The following PLEKHH3 variants were observed in gnomAD, a reference collection of about 807,000 sequenced individuals.
The protein encoded by PLEKHH3 is pleckstrin homology domain-containing family H member 3.
PLEKHH3 carries 57 observed loss-of-function variants against 77.8 expected under a neutral mutation model. The observed-to-expected ratio is 0.73, with a 90% confidence interval of 0.59 to 0.91. The LOEUF (loss-of-function observed/expected upper bound fraction) is 0.91. Among genes scored for constraint, PLEKHH3 ranks in the 40% least tolerant of loss-of-function variants. The pLI is 0.00. For synonymous variants in PLEKHH3, 467 were observed against 504.8 expected, an observed-to-expected ratio of 0.93 and a Z score of 1.00; for missense variants, 1,082 against 1,091.2, an observed-to-expected ratio of 0.99 and a Z score of 0.12.
In PLEKHH3 at chr17:42,672,347, A is replaced by G. The variant is rs746024866; in HGVS notation, c.815T>C (p.Leu272Ser). The G allele has an allele frequency of 3.2e-6, 5 of 1,544,522 alleles. No individual in the cohort carries two copies. In the South Asian group the frequency reaches 4.8e-5, roughly 15 times the overall value. ...PLREEAVRLF[L>S]ALQALEGARR... ...CGCCCCCTCCAGCGCCTGCAGCGCC[A>G]AGAACAGCCGCACCGCCTCCTCGCG... The change falls in exon 7 of 13, where the codon TTG becomes TCG. Residue 272 changes from leucine (L) to serine (S), a missense_variant. Transcript: ENST00000591022.
chr17:42,674,295 T>C, intron 2 of PLEKHH3, 59 bp downstream of exon 2: 2 of 1,499,328 alleles, frequency 1.3e-6, no homozygotes, highest in Non-Finnish European at 1.8e-6. Context: ...ACAGAGAGGA[T>C]GGGGGTCCCG....
intron 3 of PLEKHH3, 30 bp downstream of exon 3, chr17:42,673,904 C>T: frequency 1.2e-6 from 2 of 1,612,040 alleles, no homozygotes; most frequent in Non-Finnish European, 1.7e-6. Context: ...GGATTGGGGG[C>T]CTCCAGAGTG....
intron 9 of PLEKHH3, 25 bp from the exon 10 acceptor site, chr17:42,670,730 G>A (rs748349459): frequency 2.9e-5 from 46 of 1,603,174 alleles, no homozygotes; most frequent in Non-Finnish European, 3.9e-5. Flanking sequence ...CGGACGAAGC[G>A]CTAGGGAGAA....
rs761578348 is a variant in PLEKHH3, at chr17:42,676,473, C to T, written c.91G>A (p.Gly31Arg). 8 of 1,612,584 alleles carry T rather than the reference C, an allele frequency of 5.0e-6. No individual in the cohort carries two copies. The highest frequency in any genetic ancestry group is 3.3e-4 in the Middle Eastern group (2 of 6,060). The change falls in exon 1 of 13, where the codon GGG becomes AGG. Residue 31 changes from glycine to arginine, a missense_variant. Around this residue, in one of 3 missense-constraint regions of PLEKHH3, gnomAD observed 344 missense variants for 320.8 expected, o/e 1.07. Transcript: ENST00000591022. The surrounding 1 kb of genome is among the most constrained non-coding windows in gnomAD (Gnocchi z 6.6). ...TCGTCCTCGTCCTCGTCCCCGTCCC[C>T]GCTAAGCTCGCCGTCCCCGTAGTCC... ...HRDYGDGELS[G>R]DGDEDEDEET...
At position 42,674,092 on chromosome 17, in the gene PLEKHH3, G is replaced by A. The variant is rs575182279; in HGVS notation, c.219-79C>T. The A allele has an allele frequency of 1.2e-5, 17 of 1,443,670 alleles. No homozygotes were observed. The South Asian group carries it at 1.3e-4, about 11-fold the overall frequency. 89.4% of individuals were successfully genotyped at this position (1,443,670 alleles called of 1,614,324 possible). On this transcript the variant is annotated intron_variant, in intron 2 of 12. Transcript: ENST00000591022. ...TCTGTAGGGGCTCCCCAGACCGCAC[G>A]GGTGTCTGCTCCCAAGCTGGGCACC...
At position 42,673,690 on chromosome 17, in the gene PLEKHH3, G is replaced by T; in HGVS notation, c.443C>A (p.Thr148Asn). 1 of 1,602,214 alleles carries T rather than the reference G, an allele frequency of 6.2e-7. No individual in the cohort carries two copies. The change falls in exon 4 of 13, where the codon ACC (threonine) becomes AAC (asparagine). Residue 148 changes from threonine (T) to asparagine (N), a missense_variant. By Grantham distance (65) the Thr-to-Asn change is moderately conservative. Coordinates refer to ENST00000591022, the MANE Select transcript of PLEKHH3 (RefSeq NM_024927.5). ...TGGGCCGGTCACCGAGCACAGGCTG[G>T]TGAGCACGAGGCTCCCGAGACGCCG... Reference protein sequence around the residue: ...GARRLGSLVLTSLCSVTGPER... With the variant: ...GARRLGSLVLNSLCSVTGPER...
rs1318859569 is a variant in PLEKHH3 at position 42,674,033 on chromosome 17, A to T, written c.219-20T>A. On this transcript the variant is annotated intron_variant, in intron 2 of 12. Coordinates refer to ENST00000591022, the MANE Select transcript of PLEKHH3 (RefSeq NM_024927.5). ...TGCAGCCTGGGCCAGAGGGGAGGGA[A>T]GGTTGGGTCTCCACTCTGCCTCTAG... The T allele has an allele frequency of 6.2e-7, 1 of 1,610,926 alleles. No individual in the cohort carries two copies. The highest frequency in any genetic ancestry group is 2.2e-5 in the East Asian group (1 of 44,858).
chr17:42,673,464 G>A lies in PLEKHH3; in HGVS notation c.583C>T (p.Arg195Trp), dbSNP rs1393276367. The A allele has an allele frequency of 2.5e-6, 4 of 1,612,744 alleles. No homozygotes were observed. Among genetic ancestry groups the A allele is most frequent in the Non-Finnish European group, 3.4e-6 (4 of 1,179,702 alleles). The change falls in exon 5 of 13, where the codon CGG becomes TGG. Residue 195 changes from arginine to tryptophan, a missense_variant. Coordinates refer to ENST00000591022, the MANE Select transcript of PLEKHH3 (RefSeq NM_024927.5). ...GGTGCCTTGGAGGCGATCACTTCCC[G>A]CAATGCCACCCCCCAGCGCTCAGCC... ...AEAERWGVALREVIASKAPLE... is the reference protein window; with the variant it reads ...AEAERWGVALWEVIASKAPLE...
At chr17:42,668,803 C>T (rs1597785644) in intron 12 of PLEKHH3, 1 of 129,668 alleles carries the variant, frequency 7.7e-6, no homozygotes, top group African/African-American at 3.0e-5. Context: ...TCTTTCTGCT[C>T]TTCTAACATT....
At chr17:42,674,109 C>A in intron 2 of PLEKHH3, 96 bp from the exon 3 acceptor site, 5 of 1,308,660 alleles carry the variant, frequency 3.8e-6, no homozygotes, top group Non-Finnish European at 5.3e-6. Context: ...TGCTCCCAAG[C>A]TGGGCACCCC....
Position 42,670,085 on chromosome 17 carries a change from T to A in PLEKHH3, c.1846A>T (p.Ile616Phe), listed in dbSNP as rs532405857. Residue 616 changes from isoleucine to phenylalanine, a missense_variant, in exon 11 of 13, where the codon ATT becomes TTT. By Grantham distance (21) the Ile-to-Phe change is conservative. This residue lies in a region of PLEKHH3 where 733 missense variants were observed against 750.0 expected (regional missense o/e 0.98). Coordinates refer to ENST00000591022, the MANE Select transcript of PLEKHH3 (RefSeq NM_024927.5). The stretch of plus-strand genomic sequence containing the variant: ...GCGCCGCCTCCTCCCTCGCGGGCAA[T>A]GCTTCCCGCAGTGCGGCCGGCCCCG... ...RGGAGRTAGSIAREGGGGAGT... is the reference protein window; with the variant it reads ...RGGAGRTAGSFAREGGGGAGT... 3.5e-6 allele frequency: 5 copies of A among 1,418,818 alleles called. No individual in the cohort carries two copies. The highest frequency in any genetic ancestry group is 3.2e-5 in the Admixed American group (1 of 31,342). 87.9% of individuals were successfully genotyped at this position (1,418,818 alleles called of 1,614,324 possible).
intron 1 of PLEKHH3, chr17:42,674,850 A>G (rs951219598): frequency 1.1e-4 from 18 of 168,642 alleles, no homozygotes; most frequent in African/African-American, 3.8e-4. Context: ...TCTCCTCCTC[A>G]TTTTCCCTTC....
Position 42,676,791 on chromosome 17 carries a change from C to T in PLEKHH3, c.-228G>A. 1 of 589,488 alleles carries T rather than the reference C, an allele frequency of 1.7e-6. No individual in the cohort carries two copies. Among genetic ancestry groups the T allele is most frequent in the Non-Finnish European group, 3.0e-6 (1 of 332,494 alleles). 36.5% of individuals were successfully genotyped at this position (589,488 alleles called of 1,614,324 possible). On this transcript the variant is annotated 5_prime_UTR_variant, in exon 1 of 13. Coordinates refer to ENST00000591022, the MANE Select transcript of PLEKHH3 (RefSeq NM_024927.5). This position sits in a 1 kb window ranked among gnomAD's most constrained non-coding sequence, Gnocchi z 6.6. ...CCCCCGGAGGGGGGAGGGGGAAAAG[C>T]GTCCAGGGCCCCGGGAGAGGAGGGA... is the stretch of plus-strand genomic sequence containing the variant.
chr17:42,671,591 C>G lies in PLEKHH3; in HGVS notation c.1077-33G>C, dbSNP rs760954066. 1.9e-6 allele frequency: 3 copies of G among 1,564,722 alleles called. No homozygotes were observed. In the African/African-American group the frequency reaches 4.1e-5, roughly 21 times the overall value. On this transcript the variant is annotated intron_variant, in intron 7 of 12. Transcript: ENST00000591022. The surrounding 1 kb of genome is among the most constrained non-coding windows in gnomAD (Gnocchi z 4.7). ...AGGAGGAACCCAGGGATCAATACTCCAAGGGCTTTCTTCTCCCCCTCCCTC... is the reference window on the plus strand; with the variant it reads ...AGGAGGAACCCAGGGATCAATACTCGAAGGGCTTTCTTCTCCCCCTCCCTC...
In PLEKHH3 at chr17:42,670,079, G is replaced by C; in HGVS notation, c.1852C>G (p.Arg618Gly). 6.9e-7 allele frequency: 1 copy of C among 1,444,890 alleles called. No homozygotes were observed. Among genetic ancestry groups the C allele is most frequent in the South Asian group, 1.4e-5 (1 of 70,978 alleles). 89.5% of individuals were successfully genotyped at this position (1,444,890 alleles called of 1,614,324 possible). ...GTGCCGGCGCCGCCTCCTCCCTCGC[G>C]GGCAATGCTTCCCGCAGTGCGGCCG... ...GAGRTAGSIA[R>G]EGGGGAGTAA... Residue 618 changes from arginine (R) to glycine (G), a missense_variant, in exon 11 of 13, where the codon CGC becomes GGC. Physicochemically the swap from Arg to Gly is moderately radical, Grantham distance 125. Coordinates refer to ENST00000591022, the MANE Select transcript of PLEKHH3 (RefSeq NM_024927.5).
chr17:42,672,704 A>G (rs1400769881), intron 6 of PLEKHH3, among the ~76,000 whole-genome samples: 2 of 152,098 alleles, frequency 1.3e-5, no homozygotes, highest in African/African-American at 2.4e-5. Context: ...GCTCACCACC[A>G]TAGGTCAGAA....
chr17:42,676,405 C>G lies in PLEKHH3; in HGVS notation c.159G>C (p.Gly53=). The change falls in exon 1 of 13, where the codon GGG becomes GGC. Residue 53 remains glycine, a synonymous_variant. Transcript: ENST00000591022. The surrounding 1 kb of genome is among the most constrained non-coding windows in gnomAD (Gnocchi z 6.6). Reference sequence around the variant, plus strand: ...GCTCCGAACCCCCGGGACTTACCCTCCCGCCGCCCGCTGGACTCGGGGTCC... The same window carrying G: ...GCTCCGAACCCCCGGGACTTACCCTGCCGCCGCCCGCTGGACTCGGGGTCC... ...ELRTPSPAGG[G]RGPLEVTLTQ... The G allele has an allele frequency of 1.2e-6, 2 of 1,613,156 alleles. No individual in the cohort carries two copies. The highest frequency in any genetic ancestry group is 1.1e-5 in the South Asian group (1 of 91,072).
Position 42,673,727 on chromosome 17 carries a change from C to T in PLEKHH3, c.406G>A (p.Gly136Arg), listed in dbSNP as rs1477776586. Reference sequence around the variant, plus strand: ...CTCCCGAGACGCCGCGCCCCTTTCCCGCTGCTGCTGAACTGATCCAGGGAG... The same window carrying T: ...CTCCCGAGACGCCGCGCCCCTTTCCTGCTGCTGCTGAACTGATCCAGGGAG... ...RDSLDQFSSS[G>R]KGARRLGSLV... Residue 136 changes from glycine to arginine, a missense_variant, in exon 4 of 13, where the codon GGG (glycine) becomes AGG (arginine). Coordinates refer to ENST00000591022, the MANE Select transcript of PLEKHH3 (RefSeq NM_024927.5). 2 of 1,600,828 alleles carry T rather than the reference C, an allele frequency of 1.2e-6. No individual in the cohort carries two copies. Among genetic ancestry groups the T allele is most frequent in the East Asian group, 2.2e-5 (1 of 44,846 alleles).
At position 42,671,683 on chromosome 17, in the gene PLEKHH3, G is replaced by A. The variant is rs541818156; in HGVS notation, c.1077-125C>T. 17 of 1,049,238 alleles carry A rather than the reference G, an allele frequency of 1.6e-5. No homozygotes were observed. Among genetic ancestry groups the A allele is most frequent in the Non-Finnish European group, 2.0e-5 (15 of 734,226 alleles). 65.0% of individuals were successfully genotyped at this position (1,049,238 alleles called of 1,614,324 possible). On this transcript the variant is annotated intron_variant, in intron 7 of 12. Transcript: ENST00000591022. The surrounding 1 kb of genome is among the most constrained non-coding windows in gnomAD (Gnocchi z 4.7). ...CTCCCCGCCCCAACTCAAGTTCTTTGAAGGCTCTTCTAAATCTCTCCCCAG... is the reference window on the plus strand; with the variant it reads ...CTCCCCGCCCCAACTCAAGTTCTTTAAAGGCTCTTCTAAATCTCTCCCCAG...
Sources: gnomAD v4.1 joint callset for allele counts (sites outside exome capture counted in the v4.1 genomes callset) on GRCh38, gnomAD v4.1.1 for gene constraint, gnomAD v4.1.1 regional missense constraint, Gnocchi (gnomAD v3.1) non-coding constraint, MANE v1.5 for transcripts, NCBI Gene and HGNC (gene_info 2026-07-23, HGNC 2026-07-21) for gene names.